The following TBC1D9B variants were observed in gnomAD, a reference collection of about 807,000 sequenced individuals.
TBC1D9B encodes the protein TBC1 domain family, member 9B (with GRAM domain).
In TBC1D9B, 87 loss-of-function variants were observed where a neutral mutation model predicts 121.1. The ratio of observed to expected loss-of-function variants is 0.72; its 90% confidence interval spans 0.60 to 0.86. The LOEUF is 0.86. Among genes scored for constraint, TBC1D9B ranks in the 40% least tolerant of loss-of-function variants. The pLI, the probability that TBC1D9B is intolerant of heterozygous loss-of-function variation, is 0.00. For missense variants in TBC1D9B, 1,540 were observed against 1,628.6 expected, an observed-to-expected ratio of 0.95 and a Z score of 0.94; for synonymous variants, 668 against 670.1, an observed-to-expected ratio of 1.00 and a Z score of 0.05.
At chr5:179,882,435 C>T (rs1439490518) in intron 7 of TBC1D9B, among the ~76,000 whole-genome samples, 1 of 152,224 alleles carries the variant, frequency 6.6e-6, no homozygotes, top group Non-Finnish European at 1.5e-5. Context: ...GTCTGTTCTC[C>T]AGCAGACTCC....
In TBC1D9B at chr5:179,879,919, G is replaced by A. The variant is rs1031801015; in HGVS notation, c.1255-130C>T. On this transcript the variant is annotated intron_variant, in intron 7 of 20. Transcript: ENST00000355235. Reference sequence around the variant, plus strand: ...GCCATGGGGGCAAACGGTGCACGGAGAAGAGCCTGTCTGGCTGGGCAGGAG... The same window carrying A: ...GCCATGGGGGCAAACGGTGCACGGAAAAGAGCCTGTCTGGCTGGGCAGGAG... 3.5e-6 allele frequency: 4 copies of A among 1,142,294 alleles called. No individual in the cohort carries two copies. The African/African-American group carries it at 6.3e-5, about 18-fold the overall frequency. The allele number at this position is 1,142,294 out of a possible 1,614,324, so 70.8% of individuals were successfully genotyped here.
At chr5:179,877,063 C>A (rs1316099420) in intron 10 of TBC1D9B, among the ~76,000 whole-genome samples, 1 of 132,754 alleles carries the variant, frequency 7.5e-6, no homozygotes, top group African/African-American at 3.2e-5. Flanking sequence ...AGAAGGAGAT[C>A]CTGTCTCAAA....
chr5:179,864,803 G>C (rs868177233), intron 20 of TBC1D9B, among the ~76,000 whole-genome samples: 34 of 152,336 alleles, frequency 2.2e-4, no homozygotes, highest in African/African-American at 6.5e-4. Context: ...CTTGCCTTTG[G>C]CTCAACGCTT....
chr5:179,894,442 C>T lies in TBC1D9B; in HGVS notation c.521G>A (p.Trp174Ter). Residue 174 changes from tryptophan (W) to a stop codon, truncating the protein, a stop_gained, in exon 4 of 21, where the codon TGG becomes TAG. Transcript: ENST00000355235. LOFTEE classifies it high-confidence loss of function. ...YWKGRVPRQGWLYLTVNHLCF... is the reference protein window; with the variant it reads ...YWKGRVPRQG ...CAGGTGGTTGACCGTCAGGTACAGC[C>T]AGCCCTGCCGGGGCACGCGGCCCTT... 1 of 1,614,094 alleles carries T rather than the reference C, an allele frequency of 6.2e-7. No homozygotes were observed. The highest frequency in any genetic ancestry group is 8.5e-7 in the Non-Finnish European group (1 of 1,179,976).
intron 1 of TBC1D9B, among the ~76,000 whole-genome samples, chr5:179,905,603 G>A (rs1056586457): frequency 3.3e-5 from 5 of 152,156 alleles, no homozygotes; most frequent in African/African-American, 9.7e-5. Context: ...CTGTGGCAAC[G>A]CTATCTTTGC....
intron 7 of TBC1D9B, among the ~76,000 whole-genome samples, chr5:179,881,421 T>C (rs1044377039): frequency 1.3e-5 from 2 of 152,100 alleles, no homozygotes; most frequent in Non-Finnish European, 2.9e-5. Flanking sequence ...CTGGACCCCA[T>C]CCCCTGCCTT....
At chr5:179,868,686 G>T (rs748098254) in intron 17 of TBC1D9B, 1 of 152,312 alleles carries the variant, frequency 6.6e-6, no homozygotes, top group African/African-American at 2.4e-5. Flanking sequence ...CGCGTTGTGC[G>T]TGCTGGCCGG....
intron 16 of TBC1D9B, 119 bp downstream of exon 16, chr5:179,870,136 G>A (rs2113606302): frequency 6.7e-7 from 1 of 1,502,794 alleles, no homozygotes; most frequent in Non-Finnish European, 9.0e-7. Flanking sequence ...CTAGGGCCAG[G>A]GGCTCAAGCT....
chr5:179,888,266 G>A lies in TBC1D9B; in HGVS notation c.1091C>T (p.Pro364Leu). The A allele has an allele frequency of 6.2e-7, 1 of 1,611,606 alleles. No individual in the cohort carries two copies. The highest frequency in any genetic ancestry group is 8.5e-7 in the Non-Finnish European group (1 of 1,179,342). Residue 364 changes from proline to leucine, a missense_variant, in exon 7 of 21, where the codon CCC (proline) becomes CTC (leucine). By Grantham distance (98) the Pro-to-Leu change is moderately conservative (BLOSUM62 -3). Coordinates refer to ENST00000355235, the MANE Select transcript of TBC1D9B (RefSeq NM_015043.4). The stretch of plus-strand genomic sequence containing the variant: ...TTTGCTTTTGGTGCTGATGGACAGG[G>A]GGCTGGGCAGCACGCTGGAGCTGTC... ...KADSSSVLPS[P>L]LSISTKSKMT... is the part of the protein sequence containing the mutation.
In TBC1D9B at chr5:179,888,525, C is replaced by T. The variant is rs575519237; in HGVS notation, c.1045-213G>A. Among the ~76,000 whole-genome samples the T allele has an allele frequency of 3.9e-4, 59 of 152,240 alleles. 1 individual carries two copies. The South Asian group carries it at 0.011, about 29-fold the overall frequency. On this transcript the variant is annotated intron_variant, in intron 6 of 20. Coordinates refer to ENST00000355235, the MANE Select transcript of TBC1D9B (RefSeq NM_015043.4). Reference sequence around the variant, plus strand: ...AAGGGCCCGTTTTTCCTGTCGATGGCGGGGAGCACACCGGCTGTGCAGGGT... The same window carrying T: ...AAGGGCCCGTTTTTCCTGTCGATGGTGGGGAGCACACCGGCTGTGCAGGGT...
chr5:179,900,046 A>C (rs776724638), intron 2 of TBC1D9B, among the ~76,000 whole-genome samples: 5 of 152,116 alleles, frequency 3.3e-5, no homozygotes, highest in Non-Finnish European at 5.9e-5. Context: ...CCCGGGCAGC[A>C]TGGCGAAACC....
At chr5:179,883,802 G>A (rs1390674795) in intron 7 of TBC1D9B, among the ~76,000 whole-genome samples, 1 of 150,668 alleles carries the variant, frequency 6.6e-6, no homozygotes, top group Non-Finnish European at 1.5e-5. Flanking sequence ...TACAGGGTGT[G>A]ATCAGCATCT....
rs878930352 is a variant in TBC1D9B, at chr5:179,865,751, C to T, written c.2914+87G>A. The T allele has an allele frequency of 9.6e-6, 14 of 1,452,278 alleles. No individual in the cohort carries two copies. Among genetic ancestry groups the T allele is most frequent in the African/African-American group, 2.8e-5 (2 of 70,492 alleles). The allele number at this position is 1,452,278 out of a possible 1,614,324, so 90.0% of individuals were successfully genotyped here. A position where few individuals can be genotyped will look rare whatever the true frequency, so the allele number is the denominator to read the frequency against. On this transcript the variant is annotated intron_variant, in intron 19 of 20. Coordinates refer to ENST00000355235, the MANE Select transcript of TBC1D9B (RefSeq NM_015043.4). The surrounding 1 kb of genome is among the most constrained non-coding windows in gnomAD (Gnocchi z 5.1). ...CCGCCATCTCCCGGGGTAGGGGGCT[C>T]CCTGGCAGTGACTGGGGAAAAGACC...
intron 2 of TBC1D9B, among the ~76,000 whole-genome samples, chr5:179,899,603 G>A (rs1272489470): frequency 6.6e-5 from 10 of 152,214 alleles, no homozygotes; most frequent in African/African-American, 2.4e-4. Context: ...ATGTGTCCTA[G>A]AAATAGTCTG....
In TBC1D9B at chr5:179,865,582, C is replaced by T. The variant is rs1365083987; in HGVS notation, c.2915-222G>A. On this transcript the variant is annotated intron_variant, in intron 19 of 20. Coordinates refer to ENST00000355235, the MANE Select transcript of TBC1D9B (RefSeq NM_015043.4). The surrounding 1 kb of genome is among the most constrained non-coding windows in gnomAD (Gnocchi z 5.1). Reference sequence around the variant, plus strand: ...TGGACCTAAGCTGATGACAATGATCCACAATGTCTTCTCTCAGATGGGGAG... The same window carrying T: ...TGGACCTAAGCTGATGACAATGATCTACAATGTCTTCTCTCAGATGGGGAG... 1 of 617,080 alleles carries T rather than the reference C, an allele frequency of 1.6e-6. No individual in the cohort carries two copies. The highest frequency in any genetic ancestry group is 2.8e-6 in the Non-Finnish European group (1 of 351,090). The allele number at this position is 617,080 out of a possible 1,614,324, so 38.2% of individuals were successfully genotyped here.
intron 15 of TBC1D9B, 29 bp downstream of exon 15, chr5:179,871,433 C>G (rs76584975): frequency 1.2e-6 from 2 of 1,607,726 alleles, no homozygotes; most frequent in East Asian, 4.5e-5. Flanking sequence ...AAGCTAGGAA[C>G]GGGTCCTGCC....
At chr5:179,898,452 CTTT>C (rs573849305) in intron 3 of TBC1D9B, among the ~76,000 whole-genome samples, 1 of 146,312 alleles carries the variant, frequency 6.8e-6, no homozygotes, top group Non-Finnish European at 1.5e-5. Context: ...CGCACCTGGC[CTTT>C]TTTTTTTAAT....
intron 7 of TBC1D9B, among the ~76,000 whole-genome samples, chr5:179,883,832 G>C (rs1345490773): frequency 6.6e-6 from 1 of 152,138 alleles, no homozygotes; most frequent in Non-Finnish European, 1.5e-5. Flanking sequence ...CTTTCAGCAG[G>C]ATGTTCTACG....
Position 179,871,475 on chromosome 5 carries a change from T to A in TBC1D9B, c.2471A>T (p.Tyr824Phe). 1 of 1,613,028 alleles carries A rather than the reference T, an allele frequency of 6.2e-7. No homozygotes were observed. Among genetic ancestry groups the A allele is most frequent in the Non-Finnish European group, 8.5e-7 (1 of 1,179,606 alleles). The change falls in exon 15 of 21, where the codon TAC (tyrosine) becomes TTC (phenylalanine). Residue 824 changes from tyrosine to phenylalanine, a missense_variant. Tyr to Phe is a conservative substitution (Grantham distance 22). Transcript: ENST00000355235. ...CTGAGCTGTCACCTTAAACACCATG[T>A]AAAGGTCCTCCAGCTCTTCAATGGA... Reference protein sequence around the residue: ...GFSIEELEDLYMVFKAKHLAS... With the variant: ...GFSIEELEDLFMVFKAKHLAS...
Sources: gnomAD v4.1 joint callset for allele counts (sites outside exome capture counted in the v4.1 genomes callset) on GRCh38, gnomAD v4.1.1 for gene constraint, Gnocchi (gnomAD v3.1) non-coding constraint, MANE v1.5 for transcripts, NCBI Gene and HGNC (gene_info 2026-07-23, HGNC 2026-07-21) for gene names.